The following LRP1B variants were observed in gnomAD, a reference collection of about 807,000 sequenced individuals.
LRP1B encodes LDL receptor related protein 1B.
In LRP1B, 217 loss-of-function variants were observed where a neutral mutation model predicts 556.6. That is an observed-to-expected ratio of 0.39 (90% confidence interval 0.35 to 0.44). LRP1B has a LOEUF of 0.44. Among genes scored for constraint, LRP1B ranks in the 20% least tolerant of loss-of-function variants. The probability of loss-of-function intolerance (pLI) is 1.00; values close to 1 mark genes in which losing one functional copy is unlikely to be tolerated. For missense variants in LRP1B, 5,053 were observed against 5,620.8 expected, an observed-to-expected ratio of 0.90 and a Z score of 3.23; for synonymous variants, 2,047 against 1,865.8, an observed-to-expected ratio of 1.10 and a Z score of -2.50.
chr2:140,444,893 A>G (rs900356233), intron 63 of LRP1B, among the ~76,000 whole-genome samples: 3 of 152,162 alleles, frequency 2.0e-5, no homozygotes, highest in African/African-American at 4.8e-5. Flanking sequence ...ACCATACTTT[A>G]GAAGATAGGA....
intron 84 of LRP1B, among the ~76,000 whole-genome samples, chr2:140,286,183 CT>C (rs1302556071): frequency 6.6e-6 from 1 of 151,822 alleles, no homozygotes; most frequent in African/African-American, 2.4e-5. Flanking sequence ...AAGCAGGGCA[CT>C]ATGGAAGGCA....
intron 66 of LRP1B, among the ~76,000 whole-genome samples, chr2:140,396,492 G>A (rs888380010): frequency 3.9e-5 from 6 of 152,204 alleles, no homozygotes; most frequent in Non-Finnish European, 5.9e-5. Context: ...AGTTAAAGGC[G>A]GAACTTGATT....
chr2:141,873,507 C>T (rs1698656403), intron 1 of LRP1B, among the ~76,000 whole-genome samples: 1 of 151,850 alleles, frequency 6.6e-6, no homozygotes, highest in Admixed American at 6.6e-5. Context: ...ACGAAAACTG[C>T]AATGTTTAAC....
At chr2:141,953,296 T>C (rs1701161639) in intron 1 of LRP1B, among the ~76,000 whole-genome samples, 1 of 152,138 alleles carries the variant, frequency 6.6e-6, no homozygotes, top group Non-Finnish European at 1.5e-5. Flanking sequence ...GATAATTCAT[T>C]TTCCTTTCCT....
intron 7 of LRP1B, among the ~76,000 whole-genome samples, chr2:141,073,753 A>T (rs2105487714): frequency 6.6e-6 from 1 of 152,242 alleles, no homozygotes; most frequent in Middle Eastern, 3.4e-3. Context: ...TTATTCCAGA[A>T]ACGAAGGCAT....
intron 7 of LRP1B, among the ~76,000 whole-genome samples, chr2:141,171,232 T>C (rs918253460): frequency 1.2e-4 from 18 of 152,102 alleles, no homozygotes; most frequent in African/African-American, 4.3e-4. Context: ...CTTTGTGTTG[T>C]ATAGTTCTGT....
At chr2:141,244,088 C>T (rs300363) in intron 5 of LRP1B, among the ~76,000 whole-genome samples, 151,480 of 152,298 alleles carry the variant, frequency 0.99, 75,344 homozygotes, top group Middle Eastern at 1. Context: ...GATCATGATA[C>T]TGTTCTATGT....
At chr2:141,063,927 C>G (rs561043917) in intron 7 of LRP1B, among the ~76,000 whole-genome samples, 1 of 151,752 alleles carries the variant, frequency 6.6e-6, no homozygotes, top group Non-Finnish European at 1.5e-5. Flanking sequence ...GTAGAGACTA[C>G]GTTTAGATAG....
At chr2:140,514,542 C>A in intron 51 of LRP1B, 111 bp downstream of exon 51, 1 of 969,754 alleles carries the variant, frequency 1.0e-6, no homozygotes, top group Non-Finnish European at 1.5e-6. Flanking sequence ...GAAAGGTACA[C>A]ATAAATTTTA....
intron 2 of LRP1B, among the ~76,000 whole-genome samples, chr2:141,759,332 T>C (rs1694447842): frequency 6.6e-6 from 1 of 152,120 alleles, no homozygotes; most frequent in African/African-American, 2.4e-5. Flanking sequence ...TATTGCATAA[T>C]GACAAAATAA....
intron 2 of LRP1B, among the ~76,000 whole-genome samples, chr2:141,516,508 TA>T (rs145379936): frequency 6.6e-6 from 1 of 152,186 alleles, no homozygotes; most frequent in Non-Finnish European, 1.5e-5. Context: ...TTTATTCTAA[TA>T]AAAATGGAAA....
intron 1 of LRP1B, among the ~76,000 whole-genome samples, chr2:141,913,435 C>A (rs1699956185): frequency 6.6e-6 from 1 of 152,126 alleles, no homozygotes; most frequent in South Asian, 2.1e-4. Context: ...CTCTCCATTA[C>A]ACTATGCGGC....
At chr2:140,700,642 A>G (rs749362972) in intron 40 of LRP1B, 21 bp from the exon 41 acceptor site, 1 of 1,606,954 alleles carries the variant, frequency 6.2e-7, no homozygotes, top group Non-Finnish European at 8.5e-7. Context: ...AAAATGATAC[A>G]CACATGCACA....
At chr2:141,366,443 T>A (rs1689036918) in intron 3 of LRP1B, among the ~76,000 whole-genome samples, 2 of 152,250 alleles carry the variant, frequency 1.3e-5, no homozygotes, top group African/African-American at 4.8e-5. Flanking sequence ...AAAATACGTC[T>A]ATTGTTTTTT....
chr2:141,356,776 T>C (rs924030521), intron 3 of LRP1B, among the ~76,000 whole-genome samples: 2 of 152,130 alleles, frequency 1.3e-5, no homozygotes. Flanking sequence ...AGTCTATGCA[T>C]GAATATTGCA....
chr2:141,511,457 G>T (rs1684129610), intron 2 of LRP1B, among the ~76,000 whole-genome samples: 1 of 152,046 alleles, frequency 6.6e-6, no homozygotes, highest in Non-Finnish European at 1.5e-5. Flanking sequence ...CAATATTTTA[G>T]GGAGGATTCC....
intron 1 of LRP1B, among the ~76,000 whole-genome samples, chr2:141,993,429 A>ATTTC (rs1553499482): frequency 6.6e-6 from 1 of 151,408 alleles, no homozygotes; most frequent in Non-Finnish European, 1.5e-5. Flanking sequence ...GGAGCAGGAA[A>ATTTC]TTTTTCCCCT....
At chr2:140,973,429 G>C (rs188954328) in intron 18 of LRP1B, among the ~76,000 whole-genome samples, 1 of 151,980 alleles carries the variant, frequency 6.6e-6, no homozygotes, top group Non-Finnish European at 1.5e-5. Context: ...AGGATGGGGG[G>C]GTAGAGAGGA....
intron 1 of LRP1B, among the ~76,000 whole-genome samples, chr2:141,897,994 T>C (rs145415221): frequency 4.2e-4 from 64 of 152,272 alleles, no homozygotes; most frequent in African/African-American, 1.4e-3. Context: ...GGTCATCTTA[T>C]TGGGCCCAAA....
Sources: gnomAD v4.1 joint callset for allele counts (sites outside exome capture counted in the v4.1 genomes callset) on GRCh38, gnomAD v4.1.1 for gene constraint, MANE v1.5 for transcripts, NCBI Gene and HGNC (gene_info 2026-07-23, HGNC 2026-07-21) for gene names.